DAPP1: variants seen among roughly 807,000 people sequenced by gnomAD.
The protein encoded by DAPP1 is dual adaptor of phosphotyrosine and 3-phosphoinositides 1.
Under a neutral mutation model 41.5 loss-of-function variants are expected in DAPP1, and 20 were observed. That is an observed-to-expected ratio of 0.48 (90% confidence interval 0.34 to 0.70). The LOEUF (loss-of-function observed/expected upper bound fraction) is 0.70, where lower values mean the gene tolerates loss of function less well. Among genes scored for constraint, DAPP1 ranks in the 30% least tolerant of loss-of-function variants. DAPP1 has a pLI of 0.01. For missense variants in DAPP1, 233 were observed against 333.4 expected (o/e 0.70, Z 2.35); for synonymous variants, 113 against 116.2 (o/e 0.97, Z 0.18).
chr4:99,863,931 T>A (rs1724331114), intron 7 of DAPP1, 76 bp downstream of exon 7: 2 of 979,684 alleles, frequency 2.0e-6, no homozygotes, highest in Non-Finnish European at 1.5e-6. Context: ...AATAGAAAGC[T>A]GTATATCTTA....
chr4:99,817,096 CTA>C, intron 1 of DAPP1, 82 bp downstream of exon 1: 1 of 1,063,020 alleles, frequency 9.4e-7, no homozygotes, highest in East Asian at 2.7e-5. Flanking sequence ...TGATTAATGA[CTA>C]TCTTCAGTGC....
intron 4 of DAPP1, 102 bp downstream of exon 4, chr4:99,853,450 CT>C: frequency 7.0e-7 from 1 of 1,437,846 alleles, no homozygotes; most frequent in Non-Finnish European, 9.3e-7. Flanking sequence ...AAAATTCTAG[CT>C]TGGAATATAA....
intron 2 of DAPP1, among the ~76,000 whole-genome samples, chr4:99,839,707 A>G (rs966163857): frequency 3.9e-5 from 6 of 152,150 alleles, no homozygotes; most frequent in Admixed American, 2.6e-4. Context: ...CATAATGTTC[A>G]AGGACTCTTT....
rs180714256 is a variant in DAPP1 at position 99,866,903 on chromosome 4, G to A, written c.774+782G>A. Among the ~76,000 whole-genome samples, 18 of 151,270 alleles carry A rather than the reference G, an allele frequency of 1.2e-4. No homozygotes were observed. In the East Asian group the frequency reaches 3.5e-3, roughly 30 times the overall value. Reference sequence around the variant, plus strand: ...TCATGTCTCAGCCTCCCGAATAGCTGGGATTATAGGAGCTTGCCACCACGC... The same window carrying A: ...TCATGTCTCAGCCTCCCGAATAGCTAGGATTATAGGAGCTTGCCACCACGC... On this transcript the variant is annotated intron_variant, in intron 8 of 8. Transcript: ENST00000512369.
At chr4:99,829,491 A>G (rs895583331) in intron 1 of DAPP1, among the ~76,000 whole-genome samples, 8 of 152,100 alleles carry the variant, frequency 5.3e-5, no homozygotes, top group African/African-American at 1.9e-4. Flanking sequence ...AAAAAAAAAA[A>G]GAAAGTTTTT....
At chr4:99,859,082 T>A (rs766248647) in intron 4 of DAPP1, among the ~76,000 whole-genome samples, 1 of 152,024 alleles carries the variant, frequency 6.6e-6, no homozygotes, top group Non-Finnish European at 1.5e-5. Flanking sequence ...TATTTTCATT[T>A]TTTTATTTTT....
intron 3 of DAPP1, among the ~76,000 whole-genome samples, chr4:99,847,879 T>C (rs1723719772): frequency 1.3e-5 from 2 of 152,154 alleles, no homozygotes; most frequent in South Asian, 4.1e-4. Flanking sequence ...AGTGGCGCCA[T>C]CTCGGCTCAC....
At chr4:99,817,691 C>T (rs748919010) in intron 1 of DAPP1, among the ~76,000 whole-genome samples, 2 of 152,142 alleles carry the variant, frequency 1.3e-5, no homozygotes, top group Non-Finnish European at 2.9e-5. Flanking sequence ...CAGATGACAA[C>T]TCATCCGGGT....
At chr4:99,870,365 A>G (rs1252332003), downstream of DAPP1, among the ~76,000 whole-genome samples, 1 of 152,034 alleles carries the variant, frequency 6.6e-6, no homozygotes, top group Admixed American at 6.6e-5. Flanking sequence ...ATATATATAC[A>G]TATGACAATA....
At chr4:99,853,141 G>A (rs1723923411) in intron 3 of DAPP1, 77 bp from the exon 4 acceptor site, 2 of 1,535,716 alleles carry the variant, frequency 1.3e-6, no homozygotes, top group Non-Finnish European at 1.8e-6. Context: ...TTCCAATCCA[G>A]CCACAGTTAT....
chr4:99,835,682 G>C lies in DAPP1; in HGVS notation c.161G>C (p.Cys54Ser). 1 of 1,613,920 alleles carries C rather than the reference G, an allele frequency of 6.2e-7. No individual in the cohort carries two copies. Among genetic ancestry groups the C allele is most frequent in the South Asian group, 1.1e-5 (1 of 91,070 alleles). ...GAAGCTCTTCTCCTCTCAAATGGAT[G>C]TGACGGCAGCTACCTTCTGAGGGAC... The part of the protein sequence containing the change: ...AAEALLLSNG[C>S]DGSYLLRDSN... The change falls in exon 2 of 9, where the codon TGT becomes TCT. Residue 54 changes from cysteine (C) to serine (S), a missense_variant. Cys to Ser is a moderately radical substitution (Grantham distance 112). Coordinates refer to ENST00000512369, the MANE Select transcript of DAPP1 (RefSeq NM_014395.3).
At chr4:99,840,908 G>A (rs1723472757) in intron 3 of DAPP1, among the ~76,000 whole-genome samples, 1 of 151,944 alleles carries the variant, frequency 6.6e-6, no homozygotes, top group Non-Finnish European at 1.5e-5. Context: ...ACTTAACTAT[G>A]GCTGGAAAAG....
chr4:99,869,684 C>T lies in DAPP1; in HGVS notation c.*1499C>T, dbSNP rs1217257806. On this transcript the variant is annotated 3_prime_UTR_variant, in exon 9 of 9. Transcript: ENST00000512369. The stretch of plus-strand genomic sequence containing the variant: ...GCGGCTCATGCCTGTAATCCCAGGA[C>T]TTTGGTAGGCCAAGACAAGCAGATC... 1 of 152,186 alleles carries T rather than the reference C, an allele frequency of 6.6e-6. No homozygotes were observed. Among genetic ancestry groups the T allele is most frequent in the Admixed American group, 6.5e-5 (1 of 15,278 alleles). The allele number at this position is 152,186 out of a possible 1,614,324, so 9.4% of individuals were successfully genotyped here. A position where few individuals can be genotyped will look rare whatever the true frequency, so the allele number is the denominator to read the frequency against.
At chr4:99,838,558 G>A (rs879851519) in intron 2 of DAPP1, among the ~76,000 whole-genome samples, 38 of 152,248 alleles carry the variant, frequency 2.5e-4, no homozygotes, top group Non-Finnish European at 4.4e-4. Context: ...CTCATGAGGA[G>A]TGTGCCACCT....
At chr4:99,849,643 G>A (rs1723787148) in intron 3 of DAPP1, among the ~76,000 whole-genome samples, 1 of 152,186 alleles carries the variant, frequency 6.6e-6, no homozygotes, top group Non-Finnish European at 1.5e-5. Context: ...ACTGTGGTAG[G>A]AGGATAATGC....
chr4:99,852,482 C>T (rs1293557872), intron 3 of DAPP1, among the ~76,000 whole-genome samples: 1 of 152,118 alleles, frequency 6.6e-6, no homozygotes, highest in African/African-American at 2.4e-5. Flanking sequence ...GAACAAAGTT[C>T]CCCAGCCCCC....
At chr4:99,823,174 A>G (rs1460842550) in intron 1 of DAPP1, among the ~76,000 whole-genome samples, 1 of 152,206 alleles carries the variant, frequency 6.6e-6, no homozygotes, top group Non-Finnish European at 1.5e-5. Flanking sequence ...GAAAGAGTCA[A>G]AATTAAACGT....
intron 3 of DAPP1, among the ~76,000 whole-genome samples, chr4:99,848,879 T>C (rs1474160926): frequency 6.6e-6 from 1 of 152,186 alleles, no homozygotes; most frequent in African/African-American, 2.4e-5. Context: ...GGGCCAGGTC[T>C]GGAGGTATAA....
In DAPP1 at chr4:99,840,281, C is replaced by G; in HGVS notation, c.225-8C>G. 6.7e-7 allele frequency: 1 copy of G among 1,486,274 alleles called. No individual in the cohort carries two copies. Among genetic ancestry groups the G allele is most frequent in the African/African-American group, 1.4e-5 (1 of 70,634 alleles). 92.1% of individuals were successfully genotyped at this position (1,486,274 alleles called of 1,614,324 possible). The stretch of plus-strand genomic sequence containing the variant: ...AAATAATATTAAATACTTCTTTTTC[C>G]CTTTTAGGGCCAAAGATTCTGTTAA... On this transcript the variant is annotated splice_polypyrimidine_tract_variant and splice_region_variant and intron_variant, in intron 2 of 8. Transcript: ENST00000512369.
Sources: allele counts gnomAD v4.1 joint callset (sites outside exome capture counted in the v4.1 genomes callset), GRCh38; gene constraint gnomAD v4.1.1; transcripts MANE v1.5; gene names NCBI Gene and HGNC (gene_info 2026-07-23, HGNC 2026-07-21).